GLRA3: variants seen among roughly 807,000 people sequenced by gnomAD.
The protein encoded by GLRA3 is glycine receptor alpha 3, also known as glycine receptor subunit alpha-3.
In GLRA3, 44 loss-of-function variants were observed where a neutral mutation model predicts 60.4. The ratio of observed to expected loss-of-function variants is 0.73; its 90% CI spans 0.57 to 0.94. GLRA3 has a LOEUF of 0.94. Ranked by LOEUF, GLRA3 falls within the 40% of genes least tolerant of loss-of-function variation. GLRA3 has a pLI of 0.00. For missense variants in GLRA3, 508 were observed against 564.6 expected, an observed-to-expected ratio of 0.90 and a Z score of 1.02; for synonymous variants, 223 against 192.9, an observed-to-expected ratio of 1.16 and a Z score of -1.29.
chr4:174,803,375 TTAAG>T (rs774218703), intron 1 of GLRA3, among the ~76,000 whole-genome samples: 2 of 152,160 alleles, frequency 1.3e-5, no homozygotes, highest in African/African-American at 4.8e-5. Context: ...AGGAAACTAA[TTAAG>T]TGTTTCAGAA....
intron 9 of GLRA3, among the ~76,000 whole-genome samples, chr4:174,653,849 G>C (rs1485591157): frequency 6.6e-6 from 1 of 151,990 alleles, no homozygotes; most frequent in African/African-American, 2.4e-5. Flanking sequence ...ATTTTATTAA[G>C]TATTATTTTC....
chr4:174,780,941 A>G (rs1738842240), intron 2 of GLRA3, among the ~76,000 whole-genome samples: 1 of 152,198 alleles, frequency 6.6e-6, no homozygotes, highest in South Asian at 2.1e-4. Flanking sequence ...CAGGAATTGA[A>G]CTCAGCTCTG....
chr4:174,809,775 A>G (rs1382191769), intron 1 of GLRA3, among the ~76,000 whole-genome samples: 1 of 152,182 alleles, frequency 6.6e-6, no homozygotes, highest in African/African-American at 2.4e-5. Flanking sequence ...GATTGCTTTT[A>G]GGAAGCATAA....
At chr4:174,721,033 G>T (rs1167324936) in intron 4 of GLRA3, among the ~76,000 whole-genome samples, 1 of 151,110 alleles carries the variant, frequency 6.6e-6, no homozygotes, top group Admixed American at 6.6e-5. Context: ...GTGTGTGTGT[G>T]TGTGTGTGTT....
At chr4:174,746,070 G>A (rs1017667231) in intron 3 of GLRA3, among the ~76,000 whole-genome samples, 1 of 152,120 alleles carries the variant, frequency 6.6e-6, no homozygotes, top group African/African-American at 2.4e-5. Context: ...CAACCACTAT[G>A]GGAAACAGAA....
intron 7 of GLRA3, among the ~76,000 whole-genome samples, chr4:174,660,948 G>A (rs933812290): frequency 6.6e-6 from 1 of 152,014 alleles, no homozygotes; most frequent in African/African-American, 2.4e-5. Flanking sequence ...TTGACAAGTC[G>A]CCCTCATTAT....
At chr4:174,773,988 T>G (rs6837642) in intron 2 of GLRA3, among the ~76,000 whole-genome samples, 110,960 of 151,760 alleles carry the variant, frequency 0.73, 40,870 homozygotes, top group East Asian at 1. Context: ...GGGAAGCCTG[T>G]TGTTGGGTGT....
At chr4:174,718,741 C>T (rs1158857278) in intron 4 of GLRA3, among the ~76,000 whole-genome samples, 1 of 152,016 alleles carries the variant, frequency 6.6e-6, no homozygotes, top group Non-Finnish European at 1.5e-5. Context: ...GCTAACACAT[C>T]TATTAGACAA....
chr4:174,675,498 GACAGCAT>G (rs1404312265), intron 7 of GLRA3, among the ~76,000 whole-genome samples: 2 of 151,962 alleles, frequency 1.3e-5, no homozygotes, highest in African/African-American at 4.8e-5. Flanking sequence ...TTTTCTGACT[GACAGCAT>G]ACAGACAAAT....
chr4:174,674,833 C>A (rs529820990), intron 7 of GLRA3, among the ~76,000 whole-genome samples: 1 of 152,222 alleles, frequency 6.6e-6, no homozygotes, highest in South Asian at 2.1e-4. Flanking sequence ...TCTTAAGGTG[C>A]ACGGTCTCAC....
At chr4:174,779,849 A>G (rs1362668019) in intron 2 of GLRA3, among the ~76,000 whole-genome samples, 1 of 152,050 alleles carries the variant, frequency 6.6e-6, no homozygotes, top group African/African-American at 2.4e-5. Context: ...GGTGTACCTG[A>G]AAGTGATGGG....
intron 3 of GLRA3, among the ~76,000 whole-genome samples, chr4:174,756,488 G>C (rs1737703357): frequency 6.6e-6 from 1 of 152,068 alleles, no homozygotes; most frequent in Admixed American, 6.6e-5. Flanking sequence ...TTAACAGAGT[G>C]AAGGAGAAAA....
Position 174,707,130 on chromosome 4 carries a change from C to G in GLRA3, c.574+8358G>C, listed in dbSNP as rs79194962. On this transcript the variant is annotated intron_variant, in intron 5 of 9. Transcript: ENST00000274093. ...GGATATCCATTTAAGTAATTTATAG[C>G]TGATTGAAAAAGCAATTGTTGATTT... Among the ~76,000 whole-genome samples the G allele has an allele frequency of 7.8e-3, 1,185 of 152,156 alleles. 18 individuals are homozygous for G. The highest frequency in any genetic ancestry group is 0.013 in the Non-Finnish European group (888 of 67,984).
chr4:174,732,312 G>A lies in GLRA3; in HGVS notation c.268-3614C>T, dbSNP rs1233147082. On this transcript the variant is annotated intron_variant, in intron 3 of 9. Transcript: ENST00000274093. ...GGAGCTTGCAGTGAGCCGAGATCACGCCTCTGCACTCCAGCCTGGCGACAG... is the reference window on the plus strand; with the variant it reads ...GGAGCTTGCAGTGAGCCGAGATCACACCTCTGCACTCCAGCCTGGCGACAG... Among the ~76,000 whole-genome samples the A allele has an allele frequency of 1.3e-5, 2 of 149,952 alleles. 1 individual carries two copies. Among genetic ancestry groups the A allele is most frequent in the African/African-American group, 4.9e-5 (2 of 40,530 alleles).
chr4:174,753,027 C>T (rs1446037433), intron 3 of GLRA3, among the ~76,000 whole-genome samples: 1 of 152,116 alleles, frequency 6.6e-6, no homozygotes, highest in Admixed American at 6.6e-5. Flanking sequence ...GAATAACTTC[C>T]CTTTTGTTTT....
intron 7 of GLRA3, among the ~76,000 whole-genome samples, chr4:174,672,043 G>A (rs922990677): frequency 6.6e-6 from 1 of 152,154 alleles, no homozygotes; most frequent in African/African-American, 2.4e-5. Flanking sequence ...AGTAATCATT[G>A]ACCATAAACA....
In GLRA3 at chr4:174,817,898, C is replaced by G. The variant is rs114044330; in HGVS notation, c.71+10843G>C. Reference sequence around the variant, plus strand: ...CTGGGATTACAGGTGTGAGCCAGTGCGCCTGACCAAGGTTACCAATATTTA... The same window carrying G: ...CTGGGATTACAGGTGTGAGCCAGTGGGCCTGACCAAGGTTACCAATATTTA... On this transcript the variant is annotated intron_variant, in intron 1 of 9. Coordinates refer to ENST00000274093, the MANE Select transcript of GLRA3 (RefSeq NM_006529.4). Among the ~76,000 whole-genome samples, 20 of 152,164 alleles carry G rather than the reference C, an allele frequency of 1.3e-4. No homozygotes were observed. The South Asian group carries it at 4.1e-3, about 32-fold the overall frequency.
At chr4:174,664,350 C>G (rs1021045504) in intron 7 of GLRA3, among the ~76,000 whole-genome samples, 6 of 152,084 alleles carry the variant, frequency 3.9e-5, no homozygotes, top group Non-Finnish European at 5.9e-5. Flanking sequence ...GTCTCCCACG[C>G]CTCAAACTGA....
In GLRA3 at chr4:174,828,885, A is replaced by T; in HGVS notation, c.-74T>A. 1.9e-6 allele frequency: 2 copies of T among 1,027,854 alleles called. No individual in the cohort carries two copies. The highest frequency in any genetic ancestry group is 3.1e-6 in the Non-Finnish European group (2 of 646,514). The allele number at this position is 1,027,854 out of a possible 1,614,324, so 63.7% of individuals were successfully genotyped here. ...GGGGAACCAGAAAGACAGAATGAAA[A>T]TGTACAATCTAACCCCGCATGGTGT... is the stretch of plus-strand genomic sequence containing the variant. On this transcript the variant is annotated 5_prime_UTR_variant, in exon 1 of 10. Transcript: ENST00000274093.
Sources: allele counts gnomAD v4.1 joint callset (sites outside exome capture counted in the v4.1 genomes callset), GRCh38; gene constraint gnomAD v4.1.1; transcripts MANE v1.5; gene names NCBI Gene and HGNC (gene_info 2026-07-23, HGNC 2026-07-21).